Variants in GRAMD1C observed in about 807,000 individuals in gnomAD.
GRAMD1C encodes the protein GRAM domain containing 1C, also known as protein Aster-C.
Under a neutral mutation model 97.8 loss-of-function variants are expected in GRAMD1C, and 89 were observed. The ratio of observed to expected loss-of-function variants is 0.91; its 90% confidence interval spans 0.77 to 1.09. GRAMD1C has a LOEUF of 1.09. Ranked by LOEUF, GRAMD1C falls within the 50% of genes least tolerant of loss-of-function variation. The pLI is 0.00. For synonymous variants in GRAMD1C, 256 were observed against 267.0 expected, an observed-to-expected ratio of 0.96 and a Z score of 0.40; for missense variants, 740 against 766.4, an observed-to-expected ratio of 0.97 and a Z score of 0.41.
intron 2 of GRAMD1C, among the ~76,000 whole-genome samples, chr3:113,850,063 G>A (rs978657714): frequency 1.7e-4 from 26 of 151,958 alleles, no homozygotes; most frequent in African/African-American, 6.0e-4. Flanking sequence ...CTGGCCGGAC[G>A]GGGGGCTGAA....
At chr3:113,841,582 G>T (rs115677150) in intron 1 of GRAMD1C, among the ~76,000 whole-genome samples, 13 of 152,200 alleles carry the variant, frequency 8.5e-5, no homozygotes, top group African/African-American at 3.1e-4. Flanking sequence ...GTGAGCCACC[G>T]TGCCTGGCTG....
At chr3:113,938,377 T>C (rs1359625656) in intron 15 of GRAMD1C, 1 of 344,382 alleles carries the variant, frequency 2.9e-6, no homozygotes, top group Admixed American at 4.9e-5. Flanking sequence ...CAGATGTTTT[T>C]ATTTTTTAGC....
intron 17 of GRAMD1C, among the ~76,000 whole-genome samples, chr3:113,941,676 TG>T (rs1937788003): frequency 6.6e-6 from 1 of 151,176 alleles, no homozygotes; most frequent in Non-Finnish European, 1.5e-5. Context: ...TGGAGTGCAG[TG>T]GCACAATCTC....
intron 15 of GRAMD1C, chr3:113,939,403 T>TC (rs1405400334): frequency 6.6e-6 from 1 of 151,850 alleles, no homozygotes; most frequent in African/African-American, 2.4e-5. Flanking sequence ...TTTTTTTTTT[T>TC]TTCTGACTTC....
chr3:113,888,124 A>C (rs530114871), intron 6 of GRAMD1C, among the ~76,000 whole-genome samples: 1 of 152,202 alleles, frequency 6.6e-6, no homozygotes, highest in Non-Finnish European at 1.5e-5. Flanking sequence ...TCACAACTTT[A>C]TCTATGAGTA....
chr3:113,906,536 C>A (rs924332572), intron 8 of GRAMD1C, among the ~76,000 whole-genome samples: 3 of 151,876 alleles, frequency 2.0e-5, no homozygotes, highest in African/African-American at 7.3e-5. Context: ...GTACAGCTGT[C>A]CAGTGTGTTT....
chr3:113,908,497 T>A (rs1177570193), intron 8 of GRAMD1C, among the ~76,000 whole-genome samples: 1 of 152,214 alleles, frequency 6.6e-6, no homozygotes, highest in African/African-American at 2.4e-5. Flanking sequence ...TATGTGACTT[T>A]TATCTCTCCA....
At chr3:113,918,211 C>T (rs1466814438) in intron 10 of GRAMD1C, among the ~76,000 whole-genome samples, 2 of 152,114 alleles carry the variant, frequency 1.3e-5, no homozygotes, top group Non-Finnish European at 2.9e-5. Context: ...AGATATAAAT[C>T]TTCCTCTTTA....
chr3:113,912,335 T>G (rs73856210), intron 9 of GRAMD1C, among the ~76,000 whole-genome samples: 2,178 of 152,330 alleles, frequency 0.014, 56 homozygotes, highest in African/African-American at 0.049. Flanking sequence ...AAGTTTACTA[T>G]GTTAATGTGT....
intron 10 of GRAMD1C, among the ~76,000 whole-genome samples, chr3:113,923,527 A>G (rs1437412626): frequency 1.3e-5 from 2 of 152,120 alleles, no homozygotes; most frequent in African/African-American, 4.8e-5. Flanking sequence ...TGAGATGATC[A>G]TGTGGTTTTT....
intron 5 of GRAMD1C, among the ~76,000 whole-genome samples, chr3:113,877,139 GC>G (rs926234166): frequency 2.0e-5 from 3 of 152,120 alleles, no homozygotes; most frequent in African/African-American, 7.2e-5. Flanking sequence ...GCACCACTGA[GC>G]CTGGCTATTT....
chr3:113,846,274 T>C (rs972793118), intron 2 of GRAMD1C, among the ~76,000 whole-genome samples: 3 of 152,082 alleles, frequency 2.0e-5, no homozygotes, highest in African/African-American at 7.2e-5. Context: ...ACCCAGCTAA[T>C]TTTGTATTTT....
intron 9 of GRAMD1C, among the ~76,000 whole-genome samples, chr3:113,910,571 A>C (rs1936531672): frequency 6.6e-6 from 1 of 152,234 alleles, no homozygotes; most frequent in Non-Finnish European, 1.5e-5. Flanking sequence ...CCATGTGTAC[A>C]TGAGGTCTAG....
intron 2 of GRAMD1C, among the ~76,000 whole-genome samples, chr3:113,847,657 A>T (rs1225582908): frequency 2.0e-5 from 3 of 152,210 alleles, no homozygotes; most frequent in Non-Finnish European, 4.4e-5. Flanking sequence ...AACAAATATG[A>T]TGGGGAATTC....
intron 3 of GRAMD1C, among the ~76,000 whole-genome samples, chr3:113,873,836 A>T (rs1049167106): frequency 6.6e-6 from 1 of 152,172 alleles, no homozygotes; most frequent in African/African-American, 2.4e-5. Flanking sequence ...GTGTTTTAGT[A>T]AGTCAGCCAG....
At chr3:113,886,777 G>GTTTTTTTT (rs34683672) in intron 6 of GRAMD1C, among the ~76,000 whole-genome samples, 19 of 80,036 alleles carry the variant, frequency 2.4e-4, no homozygotes, top group African/African-American at 3.7e-4. Context: ...TTGTTTGCTT[G>GTTTTTTTT]TTTTTTTTTT....
At chr3:113,899,192 A>T (rs1011748437) in intron 6 of GRAMD1C, among the ~76,000 whole-genome samples, 3 of 152,184 alleles carry the variant, frequency 2.0e-5, no homozygotes, top group African/African-American at 7.2e-5. Context: ...ACTTCAAAAC[A>T]AATGTTACTT....
chr3:113,887,177 G>A (rs1339659917), intron 6 of GRAMD1C, among the ~76,000 whole-genome samples: 1 of 138,258 alleles, frequency 7.2e-6, no homozygotes, highest in Non-Finnish European at 1.5e-5. Flanking sequence ...GACAACCTCC[G>A]TCTCACAGGT....
chr3:113,828,574 C>T (rs1270699752), intron 1 of GRAMD1C, among the ~76,000 whole-genome samples: 1 of 152,202 alleles, frequency 6.6e-6, no homozygotes, highest in Non-Finnish European at 1.5e-5. Context: ...CTTCACTCTT[C>T]CCTAACACTC....
Sources: allele counts gnomAD v4.1 joint callset (sites outside exome capture counted in the v4.1 genomes callset), GRCh38; gene constraint gnomAD v4.1.1; transcripts MANE v1.5; gene names NCBI Gene and HGNC (gene_info 2026-07-23, HGNC 2026-07-21).